MSH3: variants seen among roughly 807,000 people sequenced by gnomAD.
MSH3 encodes the protein DNA mismatch repair protein Msh3.
MSH3 carries 106 observed loss-of-function variants against 123.3 expected under a neutral mutation model. The observed-to-expected ratio is 0.86, with a 90% CI of 0.73 to 1.01. The LOEUF is 1.01. Ranked by LOEUF, MSH3 falls within the 50% of genes least tolerant of loss-of-function variation. The pLI, the probability that MSH3 is intolerant of heterozygous loss-of-function variation, is 0.00. For synonymous variants in MSH3, 515 were observed against 481.4 expected, an observed-to-expected ratio of 1.07 and a Z score of -0.91; for missense variants, 1,459 against 1,347.6, an observed-to-expected ratio of 1.08 and a Z score of -1.29.
At chr5:80,751,098 A>G (rs1743827034) in intron 12 of MSH3, among the ~76,000 whole-genome samples, 1 of 152,182 alleles carries the variant, frequency 6.6e-6, no homozygotes, top group Non-Finnish European at 1.5e-5. Context: ...AATGCATATT[A>G]TGAAAAAACT....
In MSH3 at chr5:80,827,240, G is replaced by A. The variant is rs138876517; in HGVS notation, c.2813+13499G>A. Among the ~76,000 whole-genome samples the A allele has an allele frequency of 4.1e-4, 63 of 152,282 alleles. No homozygotes were observed. The East Asian group carries it at 7.3e-3, about 18-fold the overall frequency. On this transcript the variant is annotated intron_variant, in intron 20 of 23. Coordinates refer to ENST00000265081, the MANE Select transcript of MSH3 (RefSeq NM_002439.5). ...TTCTATTAAACGTTGGTGATTAAGC[G>A]TTGATGAAAAGAGATATTTACTCGA...
intron 1 of MSH3, 68 bp downstream of exon 1, chr5:80,655,032 C>T: frequency 3.1e-6 from 3 of 979,710 alleles, no homozygotes; most frequent in Non-Finnish European, 4.2e-6. Context: ...GTAAGGCGGG[C>T]GGAGGCGGGG....
chr5:80,690,197 G>T (rs1750196556), intron 8 of MSH3, among the ~76,000 whole-genome samples: 1 of 152,100 alleles, frequency 6.6e-6, no homozygotes, highest in East Asian at 1.9e-4. Flanking sequence ...GGAATTATAG[G>T]CATGAGCGAC....
At position 80,692,270 on chromosome 5, in the gene MSH3, A is replaced by C. The variant is rs576265147; in HGVS notation, c.1340+13177A>C. On this transcript the variant is annotated intron_variant, in intron 8 of 23. Transcript: ENST00000265081. ...TTTAGATAGATAGATAAACATGTAT[A>C]TGTTAGATAGATAGATAAACATGTA... Among the ~76,000 whole-genome samples, 8 of 55,320 alleles carry C rather than the reference A, an allele frequency of 1.4e-4. 3 individuals carry two copies. The highest frequency in any genetic ancestry group is 2.7e-4 in the Non-Finnish European group (8 of 29,352). The allele number at this position is 55,320 out of a possible 152,430, so 36.3% of individuals were successfully genotyped here. A position where few individuals can be genotyped will look rare whatever the true frequency, so the allele number is the denominator to read the frequency against.
chr5:80,817,189 A>T (rs1422584064), intron 20 of MSH3, among the ~76,000 whole-genome samples: 1 of 152,232 alleles, frequency 6.6e-6, no homozygotes, highest in African/African-American at 2.4e-5. Context: ...AAAACAGGAC[A>T]TTACAGTGTC....
intron 8 of MSH3, among the ~76,000 whole-genome samples, chr5:80,689,894 A>T (rs958042093): frequency 2.6e-5 from 4 of 152,076 alleles, no homozygotes; most frequent in African/African-American, 9.6e-5. Context: ...TTCCTGCATG[A>T]TTTTTTTAAA....
chr5:80,679,053 G>A lies in MSH3; in HGVS notation c.1300G>A (p.Glu434Lys), dbSNP rs765012540. The change falls in exon 8 of 24, where the codon GAG (glutamate) becomes AAG (lysine). Residue 434 changes from glutamate to lysine, a missense_variant. By Grantham distance (56) the Glu-to-Lys change is moderately conservative. Transcript: ENST00000265081. ...GCTGCTGCTTCCTTCGGCCTTGTCC[G>A]AGCAAACAGAGGCGCTCATCCACAG... is the stretch of plus-strand genomic sequence containing the variant. ...VELLLPSALS[E>K]QTEALIHRAT... 3.1e-6 allele frequency: 5 copies of A among 1,614,066 alleles called. No homozygotes were observed. Among genetic ancestry groups the A allele is most frequent in the South Asian group, 2.2e-5 (2 of 91,068 alleles).
intron 3 of MSH3, among the ~76,000 whole-genome samples, chr5:80,668,385 G>C (rs1306426489): frequency 6.6e-6 from 1 of 152,132 alleles, no homozygotes; most frequent in African/African-American, 2.4e-5. Flanking sequence ...GAGCCTGTCT[G>C]CCTCCTGCCG....
chr5:80,814,122 T>C (rs1398633794), intron 20 of MSH3, among the ~76,000 whole-genome samples: 1 of 93,306 alleles, frequency 1.1e-5, no homozygotes, highest in Non-Finnish European at 2.1e-5. Flanking sequence ...TGAGACCCTG[T>C]CTCAAAGAAA....
Position 80,761,565 on chromosome 5 carries a change from G to A in MSH3, c.1783G>A (p.Asp595Asn), listed in dbSNP as rs2112879862. The change falls in exon 13 of 24, where the codon GAT (aspartate) becomes AAT (asparagine). Residue 595 changes from aspartate to asparagine, a missense_variant. Transcript: ENST00000265081. ...TCACAGGGAAATAAATGCCCGGCTT[G>A]ATGCTGTATCGGAAGTTCTCCATTC... ...LKLREINARL[D>N]AVSEVLHSES... The A allele has an allele frequency of 6.2e-7, 1 of 1,614,066 alleles. No homozygotes were observed. Among genetic ancestry groups the A allele is most frequent in the Non-Finnish European group, 8.5e-7 (1 of 1,179,988 alleles).
At chr5:80,799,499 A>AT (rs1744753802) in intron 19 of MSH3, among the ~76,000 whole-genome samples, 8 of 39,030 alleles carry the variant, frequency 2.0e-4, no homozygotes, top group African/African-American at 6.1e-4. Flanking sequence ...GGAAGATAGC[A>AT]CTTTTTTTTT....
chr5:80,755,126 G>T (rs1417712223), intron 12 of MSH3, among the ~76,000 whole-genome samples: 1 of 152,160 alleles, frequency 6.6e-6, no homozygotes, highest in Non-Finnish European at 1.5e-5. Flanking sequence ...AGCTGTGTTT[G>T]ATTGGGACTG....
At chr5:80,669,237 C>CATTTT (rs1749640424) in intron 3 of MSH3, among the ~76,000 whole-genome samples, 5 of 151,974 alleles carry the variant, frequency 3.3e-5, no homozygotes, top group Admixed American at 2.6e-4. Flanking sequence ...ATTGGGGTTC[C>CATTTT]CATTTCTGGG....
chr5:80,804,297 T>C (rs746825120), intron 19 of MSH3, among the ~76,000 whole-genome samples: 3 of 152,226 alleles, frequency 2.0e-5, no homozygotes, highest in Non-Finnish European at 4.4e-5. Flanking sequence ...GTGGTCACCA[T>C]GGGCCTTGGG....
chr5:80,763,289 G>A (rs1243486935), intron 13 of MSH3, among the ~76,000 whole-genome samples: 1 of 152,176 alleles, frequency 6.6e-6, no homozygotes, highest in African/African-American at 2.4e-5. Flanking sequence ...TTACGTAACT[G>A]TTTTACATGC....
At position 80,725,572 on chromosome 5, in the gene MSH3, AT is replaced by A. The variant is rs1743273366; in HGVS notation, c.1453+11del. 6.3e-7 allele frequency: 1 copy of A among 1,590,624 alleles called. No individual in the cohort carries two copies. ...GATACAGTTGACATCAAAGGTAAAT[AT>A]TTTCCCTGTATGTCCTCAAGTTGAA... is the stretch of plus-strand genomic sequence containing the variant. On this transcript the variant is annotated splice_region_variant and intron_variant, in intron 9 of 23. Transcript: ENST00000265081.
At chr5:80,700,507 C>CT (rs1340528765) in intron 8 of MSH3, among the ~76,000 whole-genome samples, 1 of 151,730 alleles carries the variant, frequency 6.6e-6, no homozygotes, top group African/African-American at 2.4e-5. Flanking sequence ...TTTGAAATTT[C>CT]TTTTTAAAAA....
rs1333086398 is a variant in MSH3 at position 80,679,590 on chromosome 5, G to A, written c.1340+497G>A. ...TGGAGATGCTTTGTCTGTGCTGCAA[G>A]TTTCAATTCATGGCTGTGTCCAGTG... On this transcript the variant is annotated intron_variant, in intron 8 of 23. Transcript: ENST00000265081. 2.6e-5 allele frequency among the ~76,000 whole-genome samples: 4 copies of A among 152,330 alleles called. No homozygotes were observed. In the East Asian group the frequency reaches 5.8e-4, roughly 22 times the overall value.
intron 8 of MSH3, among the ~76,000 whole-genome samples, chr5:80,686,248 G>A (rs1750086265): frequency 6.6e-6 from 1 of 152,098 alleles, no homozygotes. Flanking sequence ...TTTTCTGTCT[G>A]GAAGATCTGT....
Sources: gnomAD v4.1 joint callset for allele counts (sites outside exome capture counted in the v4.1 genomes callset) on GRCh38, gnomAD v4.1.1 for gene constraint, MANE v1.5 for transcripts, NCBI Gene and HGNC (gene_info 2026-07-23, HGNC 2026-07-21) for gene names.